Variants in ACVR1C observed in about 807,000 individuals in gnomAD.
ACVR1C encodes activin A receptor type 1C, also known as activin receptor type-1C.
A neutral mutation model predicts 57.9 loss-of-function variants in ACVR1C; 23 were observed. That is an observed-to-expected ratio of 0.40 (90% CI 0.29 to 0.56). The LOEUF is 0.56. ACVR1C is among the 20% of genes least tolerant of loss of function. The pLI, the probability that ACVR1C is intolerant of heterozygous loss-of-function variation, is 0.50. For missense variants in ACVR1C, 480 were observed against 607.9 expected (o/e 0.79, Z 2.21); for synonymous variants, 214 against 215.3 (o/e 0.99, Z 0.05).
chr2:157,609,636 G>T (rs191629140), intron 1 of ACVR1C, among the ~76,000 whole-genome samples: 31 of 151,940 alleles, frequency 2.0e-4, no homozygotes, highest in Non-Finnish European at 4.0e-4. Flanking sequence ...TCTGCTTCAT[G>T]AATCTGGGTA....
At chr2:157,622,941 T>A (rs1301026378) in intron 1 of ACVR1C, among the ~76,000 whole-genome samples, 5 of 152,022 alleles carry the variant, frequency 3.3e-5, no homozygotes, top group Non-Finnish European at 5.9e-5. Context: ...AATAAAAAAA[T>A]TGACAAAAGA....
intron 1 of ACVR1C, among the ~76,000 whole-genome samples, chr2:157,618,168 T>C (rs933988923): frequency 6.6e-6 from 1 of 151,732 alleles, no homozygotes; most frequent in African/African-American, 2.4e-5. Context: ...AGTTTCAAGG[T>C]TTACAAAATA....
chr2:157,598,802 G>T (rs1244888322), intron 1 of ACVR1C, among the ~76,000 whole-genome samples: 4 of 152,028 alleles, frequency 2.6e-5, no homozygotes, highest in Non-Finnish European at 5.9e-5. Flanking sequence ...GCCTCCCAAA[G>T]TGCTGGGGCT....
Position 157,541,949 on chromosome 2 carries a change from G to A in ACVR1C, c.1101-735C>T, listed in dbSNP as rs1687635914. On this transcript the variant is annotated intron_variant, in intron 6 of 8. Coordinates refer to ENST00000243349, the MANE Select transcript of ACVR1C (RefSeq NM_145259.3). ...AAGTAATGTAGAGCCTGAAATTCAA[G>A]TAAAAATAATTGGAACTAGGCTGGC... Among the ~76,000 whole-genome samples, 3 of 152,294 alleles carry A rather than the reference G, an allele frequency of 2.0e-5. No homozygotes were observed. The South Asian group carries it at 6.2e-4, about 32-fold the overall frequency.
At chr2:157,624,786 A>G (rs553652710) in intron 1 of ACVR1C, among the ~76,000 whole-genome samples, 8 of 152,326 alleles carry the variant, frequency 5.3e-5, no homozygotes, top group African/African-American at 1.9e-4. Flanking sequence ...AGAGCCAGAA[A>G]TACATGCATC....
chr2:157,622,902 C>T (rs1182074446), intron 1 of ACVR1C, among the ~76,000 whole-genome samples: 4 of 151,986 alleles, frequency 2.6e-5, no homozygotes, highest in African/African-American at 9.7e-5. Context: ...GCTAAAATAA[C>T]ACTGTAGGGA....
At chr2:157,608,861 T>C (rs1445042029) in intron 1 of ACVR1C, among the ~76,000 whole-genome samples, 2 of 151,978 alleles carry the variant, frequency 1.3e-5, no homozygotes, top group Admixed American at 1.3e-4. Context: ...TTGTGTCTTC[T>C]CTTTTTTCTT....
At chr2:157,559,382 C>G (rs1162456172) in intron 2 of ACVR1C, among the ~76,000 whole-genome samples, 2 of 151,880 alleles carry the variant, frequency 1.3e-5, no homozygotes, top group Non-Finnish European at 2.9e-5. Context: ...TGCTTTAAAC[C>G]TAATGCTGAT....
intron 3 of ACVR1C, among the ~76,000 whole-genome samples, chr2:157,553,965 T>C (rs1573914615): frequency 6.6e-6 from 1 of 151,724 alleles, no homozygotes; most frequent in Non-Finnish European, 1.5e-5. Context: ...GGCAGATCAC[T>C]TGAGTTCAGG....
intron 2 of ACVR1C, among the ~76,000 whole-genome samples, chr2:157,566,619 G>A (rs1307376050): frequency 2.0e-5 from 3 of 152,054 alleles, no homozygotes; most frequent in South Asian, 2.1e-4. Flanking sequence ...TGGAAAATCG[G>A]GTCACTCCCA....
At chr2:157,538,521 TACTC>T in intron 8 of ACVR1C, 48 bp downstream of exon 8, 1 of 1,451,110 alleles carries the variant, frequency 6.9e-7, no homozygotes, top group Non-Finnish European at 9.2e-7. Flanking sequence ...GTCTCCCCGA[TACTC>T]ACCTCAAAAA....
intron 8 of ACVR1C, among the ~76,000 whole-genome samples, chr2:157,537,192 A>T (rs1484255664): frequency 6.6e-6 from 1 of 152,104 alleles, no homozygotes; most frequent in Non-Finnish European, 1.5e-5. Flanking sequence ...AAAAAAATAC[A>T]TATAGTAAAA....
At chr2:157,597,575 C>G (rs1216949897) in intron 1 of ACVR1C, 2 of 985,460 alleles carry the variant, frequency 2.0e-6, no homozygotes, top group Admixed American at 1.2e-4. Context: ...AGGAGACGTT[C>G]TCCGACGGCT....
At chr2:157,594,991 C>T (rs1351237851) in intron 1 of ACVR1C, among the ~76,000 whole-genome samples, 2 of 152,198 alleles carry the variant, frequency 1.3e-5, no homozygotes, top group African/African-American at 4.8e-5. Context: ...GAAAATTTCT[C>T]AGTTTAGCAT....
chr2:157,554,268 A>AAAGAAAGAAAGGAAGGAAGGAAGG, intron 3 of ACVR1C, among the ~76,000 whole-genome samples: 1 of 113,562 alleles, frequency 8.8e-6, no homozygotes, highest in Non-Finnish European at 1.7e-5. Context: ...AGAAAGAAAG[A>AAAGAAAGAAAGGAAGGAAGGAAGG]AAGGAAGGAA....
chr2:157,581,306 T>C (rs978108523), intron 2 of ACVR1C, among the ~76,000 whole-genome samples: 17 of 151,616 alleles, frequency 1.1e-4, no homozygotes, highest in African/African-American at 4.1e-4. Flanking sequence ...ACTATAGATA[T>C]TGAAATCATC....
chr2:157,551,029 T>C (rs559461594), intron 3 of ACVR1C, among the ~76,000 whole-genome samples: 2 of 152,332 alleles, frequency 1.3e-5, no homozygotes, highest in African/African-American at 4.8e-5. Context: ...ACCTCTAGAA[T>C]TCTGTCGCAA....
chr2:157,613,458 T>TC (rs1233771383), intron 1 of ACVR1C, among the ~76,000 whole-genome samples: 2 of 151,098 alleles, frequency 1.3e-5, no homozygotes, highest in African/African-American at 4.8e-5. Context: ...GTGTTTTTTT[T>TC]CCAAATATTT....
At chr2:157,622,869 T>G (rs1460877418) in intron 1 of ACVR1C, among the ~76,000 whole-genome samples, 1 of 152,060 alleles carries the variant, frequency 6.6e-6, no homozygotes, top group Non-Finnish European at 1.5e-5. Context: ...TCACAAGGGA[T>G]TAATATCCAG....
Sources: allele counts gnomAD v4.1 joint callset (sites outside exome capture counted in the v4.1 genomes callset), GRCh38; gene constraint gnomAD v4.1.1; transcripts MANE v1.5; gene names NCBI Gene and HGNC (gene_info 2026-07-23, HGNC 2026-07-21).